S100A8: variants seen among roughly 807,000 people sequenced by gnomAD.
S100A8 encodes the protein S100 calcium binding protein A8.
Under a neutral mutation model 4.2 loss-of-function variants are expected in S100A8, and 1 was observed. That is an observed-to-expected ratio of 0.24 (90% confidence interval 0.08 to 1.12). The LOEUF (loss-of-function observed/expected upper bound fraction) is 1.12. S100A8 is among the 50% of genes most tolerant of loss of function. S100A8 has a pLI of 0.53. For synonymous variants in S100A8, 41 were observed against 44.7 expected (o/e 0.92, Z 0.33); for missense variants, 96 against 111.8 (o/e 0.86, Z 0.64).
the S100A8 span, chr1:153,418,013 T>C: frequency 6.2e-7 from 1 of 1,600,500 alleles, no homozygotes; most frequent in Non-Finnish European, 8.5e-7. Flanking sequence ...CACCCCCACA[T>C]AGAGACCTTA....
chr1:153,390,324 G>A, intron 2 of S100A8, 71 bp downstream of exon 2: 1 of 1,603,670 alleles, frequency 6.2e-7, no homozygotes, highest in Admixed American at 1.7e-5. Context: ...AAGGGTGGCA[G>A]GGAGGACCGC....
At chr1:153,408,441 G>T in the S100A8 span, among the ~76,000 whole-genome samples, 1 of 152,266 alleles carries the variant, frequency 6.6e-6, no homozygotes, top group East Asian at 1.9e-4. Context: ...AGAGTAAAAA[G>T]AAATGGACAA....
chr1:153,409,959 C>T, the S100A8 span, among the ~76,000 whole-genome samples: 2 of 152,208 alleles, frequency 1.3e-5, no homozygotes, highest in African/African-American at 4.8e-5. Flanking sequence ...ATACCAGAAT[C>T]TCTGGGACAC....
chr1:153,411,499 G>C, the S100A8 span, among the ~76,000 whole-genome samples: 1 of 152,114 alleles, frequency 6.6e-6, no homozygotes, highest in South Asian at 2.1e-4. Context: ...ACAAATGGAA[G>C]AACATTCCAT....
upstream of S100A8, among the ~76,000 whole-genome samples, chr1:153,393,669 C>T (rs944383120): frequency 2.0e-5 from 3 of 152,158 alleles, no homozygotes; most frequent in Non-Finnish European, 4.4e-5. Context: ...AAGGATCCAC[C>T]CTTGGTTAAT....
chr1:153,403,806 C>G, the S100A8 span, among the ~76,000 whole-genome samples: 3 of 152,110 alleles, frequency 2.0e-5, no homozygotes, highest in African/African-American at 4.8e-5. Flanking sequence ...AATCCCCACA[C>G]CAACCAATTC....
chr1:153,402,083 C>G, the S100A8 span, among the ~76,000 whole-genome samples: 4 of 152,106 alleles, frequency 2.6e-5, no homozygotes, highest in Admixed American at 2.6e-4. Context: ...ACATTATTGC[C>G]GTGTAGAGAA....
the S100A8 span, among the ~76,000 whole-genome samples, chr1:153,414,226 A>C: frequency 6.6e-6 from 1 of 152,242 alleles, no homozygotes; most frequent in African/African-American, 2.4e-5. Flanking sequence ...TGCAACACCA[A>C]GGCACAATCC....
chr1:153,394,958 G>A (rs1035344385), upstream of S100A8, among the ~76,000 whole-genome samples: 1 of 152,166 alleles, frequency 6.6e-6, no homozygotes, highest in Non-Finnish European at 1.5e-5. Context: ...CCTCAGAAAA[G>A]ACAACCCTCT....
At chr1:153,409,584 A>G in the S100A8 span, among the ~76,000 whole-genome samples, 2 of 152,076 alleles carry the variant, frequency 1.3e-5, no homozygotes, top group Non-Finnish European at 1.5e-5. Context: ...CAGAAAGTTA[A>G]CAAGGATATC....
At chr1:153,391,081 TGA>T (rs1445402628), upstream of S100A8, 1 of 985,904 alleles carries the variant, frequency 1.0e-6, no homozygotes, top group Non-Finnish European at 1.2e-6. Context: ...CATGCAGGGC[TGA>T]GAGGCAGCTC....
the S100A8 span, among the ~76,000 whole-genome samples, chr1:153,396,435 T>C: frequency 2.0e-5 from 3 of 152,268 alleles, no homozygotes; most frequent in African/African-American, 2.4e-5. Context: ...CTCTCTCACA[T>C]TGATGTCCTT....
chr1:153,418,488 C>A, the S100A8 span, among the ~76,000 whole-genome samples: 1 of 152,266 alleles, frequency 6.6e-6, no homozygotes, highest in African/African-American at 2.4e-5. Flanking sequence ...CAGTCCCCTC[C>A]CAGCGCTCAC....
chr1:153,413,570 CT>C, the S100A8 span, among the ~76,000 whole-genome samples: 205 of 152,262 alleles, frequency 1.3e-3, 2 homozygotes, highest in Non-Finnish European at 9.4e-4. Flanking sequence ...TCAATGTTTG[CT>C]TTGTATAATT....
chr1:153,391,414 G>C (rs1441004600), upstream of S100A8, among the ~76,000 whole-genome samples: 3 of 152,088 alleles, frequency 2.0e-5, no homozygotes, highest in African/African-American at 7.2e-5. Flanking sequence ...TTGGTGGTCA[G>C]GCCATACATC....
chr1:153,408,366 A>ATC, the S100A8 span, among the ~76,000 whole-genome samples: 3 of 152,250 alleles, frequency 2.0e-5, no homozygotes, highest in African/African-American at 7.2e-5. Flanking sequence ...CAACAGGAAG[A>ATC]AAGGGTAGCA....
the S100A8 span, among the ~76,000 whole-genome samples, chr1:153,416,276 C>T: frequency 1.3e-5 from 2 of 152,160 alleles, no homozygotes; most frequent in African/African-American, 2.4e-5. Context: ...ACACATGTAC[C>T]GCTGCCTTAC....
chr1:153,393,825 T>C (rs1253580007), upstream of S100A8, among the ~76,000 whole-genome samples: 1 of 152,228 alleles, frequency 6.6e-6, no homozygotes, highest in African/African-American at 2.4e-5. Context: ...ACAAGTATAA[T>C]TATCCCTATT....
the S100A8 span, among the ~76,000 whole-genome samples, chr1:153,410,475 G>A: frequency 2.0e-5 from 3 of 152,160 alleles, no homozygotes; most frequent in South Asian, 2.1e-4. Flanking sequence ...TTCTGAAATT[G>A]AGGCAATAAT....
Sources: allele counts gnomAD v4.1 joint callset (sites outside exome capture counted in the v4.1 genomes callset), GRCh38; gene constraint gnomAD v4.1.1; transcripts MANE v1.5; gene names NCBI Gene and HGNC (gene_info 2026-07-23, HGNC 2026-07-21).